C3: variants seen among roughly 807,000 people sequenced by gnomAD.
The protein encoded by C3 is complement C3.
In C3, 97 loss-of-function variants were observed where a neutral mutation model predicts 207.9. That is an observed-to-expected ratio of 0.47 (90% CI 0.40 to 0.55). C3 has a LOEUF of 0.55. Ranked by LOEUF, C3 falls within the 20% of genes least tolerant of loss-of-function variation. C3 has a pLI of 0.00. For missense variants in C3, 1,684 were observed against 2,171.7 expected (o/e 0.78, Z 4.46); for synonymous variants, 848 against 857.6 (o/e 0.99, Z 0.20).
At position 6,714,228 on chromosome 19, in the gene C3, C is replaced by T. The variant is rs201681678; in HGVS notation, c.620G>A (p.Arg207Gln). The T allele has an allele frequency of 2.0e-5, 33 of 1,613,866 alleles. No homozygotes were observed. The highest frequency in any genetic ancestry group is 1.6e-4 in the East Asian group (7 of 44,826). Residue 207 changes from arginine to glutamine, a missense_variant, in exon 6 of 41, where the codon CGA becomes CAA. Physicochemically the swap from Arg to Gln is conservative, Grantham distance 43 (BLOSUM62 1). Transcript: ENST00000245907. ...CTGTGGTGAGTTTTCATAGTAGGCT[C>T]GGATCTTCCACTGGCCCATGCTGTG... ...ELVNMGQWKIRAYYENSPQQV... is the reference protein window; with the variant it reads ...ELVNMGQWKIQAYYENSPQQV...
Position 6,712,637 on chromosome 19 carries a change from C to G in C3, c.1004-14G>C. 6.2e-7 allele frequency: 1 copy of G among 1,609,962 alleles called. No individual in the cohort carries two copies. The highest frequency in any genetic ancestry group is 8.5e-7 in the Non-Finnish European group (1 of 1,176,246). ...CCATGTCACTGCCTGAGGGGACCAGCTGTGAGTGTAGGCTTCTGGGCCACC... is the reference window on the plus strand; with the variant it reads ...CCATGTCACTGCCTGAGGGGACCAGGTGTGAGTGTAGGCTTCTGGGCCACC... On this transcript the variant is annotated splice_polypyrimidine_tract_variant and intron_variant, in intron 9 of 40. Transcript: ENST00000245907.
At chr19:6,709,961 G>A (rs1967868352) in intron 13 of C3, 119 bp from the exon 14 acceptor site, 2 of 815,208 alleles carry the variant, frequency 2.5e-6, no homozygotes, top group Non-Finnish European at 2.0e-6. Flanking sequence ...CGTGGGGCTG[G>A]GGAGGGGGAG....
At chr19:6,711,336 T>A in intron 11 of C3, 140 bp from the exon 12 acceptor site, 4 of 716,488 alleles carry the variant, frequency 5.6e-6, no homozygotes, top group Non-Finnish European at 1.0e-5. Flanking sequence ...GGAGATGGAA[T>A]CATTATCCTG....
rs1191707778 is a variant in C3, at chr19:6,713,235, C to G, written c.957G>C (p.Leu319=). The change falls in exon 9 of 41, where the codon CTG becomes CTC. Residue 319 remains leucine (L), a synonymous_variant. Transcript: ENST00000245907. ...CAGACACGTACAAAGACTTCCCCAC[C>G]AGGTCTTCTGCTCGGGGGTTCTGCA... ...DGVQNPRAED[L]VGKSLYVSAT... is the part of the protein sequence containing the mutation. 6.2e-7 allele frequency: 1 copy of G among 1,613,754 alleles called. No individual in the cohort carries two copies. The highest frequency in any genetic ancestry group is 2.2e-5 in the East Asian group (1 of 44,884).
At chr19:6,685,540 C>A (rs1016537970) in intron 29 of C3, among the ~76,000 whole-genome samples, 1 of 152,120 alleles carries the variant, frequency 6.6e-6, no homozygotes, top group Non-Finnish European at 1.5e-5. Flanking sequence ...CCAGAGGATA[C>A]TGAGCATATA....
At chr19:6,715,227 C>T (rs1968006938) in intron 4 of C3, among the ~76,000 whole-genome samples, 1 of 152,178 alleles carries the variant, frequency 6.6e-6, no homozygotes, top group Admixed American at 6.5e-5. Context: ...GTAATCCCAG[C>T]ACTTTGAGAG....
intron 16 of C3, 91 bp from the exon 17 acceptor site, chr19:6,707,364 G>T: frequency 6.3e-7 from 1 of 1,591,884 alleles, no homozygotes; most frequent in Admixed American, 1.7e-5. Flanking sequence ...GGACTTCCCC[G>T]CCGCCAGGGC....
chr19:6,700,525 AATATGATATATT>A (rs1967637557), intron 19 of C3, among the ~76,000 whole-genome samples: 2 of 27,930 alleles, frequency 7.2e-5, no homozygotes, highest in African/African-American at 2.9e-4. Context: ...TAATATATGT[AATATGATATATT>A]ATATATGTAA....
chr19:6,689,320 T>TCTACCTACCTACCTAC (rs1555684195), intron 27 of C3, among the ~76,000 whole-genome samples: 9 of 72,344 alleles, frequency 1.2e-4, no homozygotes, highest in Non-Finnish European at 1.9e-4. Flanking sequence ...TCTCTCTCTC[T>TCTACCTACCTACCTAC]CTACCTACCT....
intron 19 of C3, among the ~76,000 whole-genome samples, chr19:6,699,723 G>A (rs1967605838): frequency 6.6e-6 from 1 of 151,806 alleles, no homozygotes; most frequent in South Asian, 2.1e-4. Flanking sequence ...GGATTTTGAA[G>A]ACTTAGTGCA....
intron 7 of C3, 35 bp from the exon 8 acceptor site, chr19:6,713,544 C>A: frequency 1.3e-6 from 2 of 1,509,006 alleles, no homozygotes; most frequent in Middle Eastern, 1.7e-4. Context: ...CAGGTCCATC[C>A]CTCCTGGAGA....
chr19:6,686,800 G>A lies in C3; in HGVS notation c.3592C>T (p.Gln1198Ter). The A allele has an allele frequency of 6.2e-7, 1 of 1,614,176 alleles. No homozygotes were observed. Among genetic ancestry groups the A allele is most frequent in the African/African-American group, 1.3e-5 (1 of 75,050 alleles). The change falls in exon 28 of 41, where the codon CAG (glutamine) becomes TAG (stop). Residue 1198 changes from glutamine to a stop codon, truncating the protein, a stop_gained. Coordinates refer to ENST00000245907, the MANE Select transcript of C3 (RefSeq NM_000064.4). LOFTEE classifies it high-confidence loss of function. Reference sequence around the variant, plus strand: ...AGAGGCCCCTTCAGCCTGCCCATCTGGGCCAGAGCATAGCCAGCAATGGCC... The same window carrying A: ...AGAGGCCCCTTCAGCCTGCCCATCTAGGCCAGAGCATAGCCAGCAATGGCC... ...TVAIAGYALA[Q>*]MGRLKGPLLN...
At chr19:6,684,325 G>A in intron 33 of C3, 63 bp downstream of exon 33, 1 of 1,245,804 alleles carries the variant, frequency 8.0e-7, no homozygotes, top group Admixed American at 1.7e-5. Flanking sequence ...GATATTATTT[G>A]CAAGAATTCT....
At chr19:6,702,043 T>G in intron 19 of C3, 84 bp downstream of exon 19, 1 of 795,312 alleles carries the variant, frequency 1.3e-6, no homozygotes, top group Non-Finnish European at 2.2e-6. Context: ...AAACATAGGG[T>G]TGATTGAGTT....
intron 29 of C3, among the ~76,000 whole-genome samples, chr19:6,685,688 T>C (rs1917986301): frequency 6.6e-6 from 1 of 152,114 alleles, no homozygotes; most frequent in Non-Finnish European, 1.5e-5. Flanking sequence ...GTTTGCGTAA[T>C]GCCCCAGGGT....
intron 33 of C3, 61 bp downstream of exon 33, chr19:6,684,327 A>G: frequency 1.5e-6 from 2 of 1,292,020 alleles, no homozygotes; most frequent in South Asian, 2.4e-5. Context: ...TATTATTTGC[A>G]AGAATTCTTG....
chr19:6,714,460 G>A lies in C3; in HGVS notation c.505-14C>T. ...GCCTTCCGGGTTCTGTGGGAGGCAGGAGGGAAGGATAGAGGATAAAGTGGC... is the reference window on the plus strand; with the variant it reads ...GCCTTCCGGGTTCTGTGGGAGGCAGAAGGGAAGGATAGAGGATAAAGTGGC... On this transcript the variant is annotated splice_polypyrimidine_tract_variant and intron_variant, in intron 4 of 40. Transcript: ENST00000245907. 1 of 1,598,496 alleles carries A rather than the reference G, an allele frequency of 6.3e-7. No homozygotes were observed. The highest frequency in any genetic ancestry group is 1.3e-5 in the African/African-American group (1 of 74,758).
Position 6,718,179 on chromosome 19 carries a change from A to C in C3, c.434-15T>G. 1 of 1,614,146 alleles carries C rather than the reference A, an allele frequency of 6.2e-7. No individual in the cohort carries two copies. The highest frequency in any genetic ancestry group is 1.1e-5 in the South Asian group (1 of 91,090). ...CCGATAGAGAACTGGGGAGAGACAAAGAGGCCTCGTGAGACCCTAGCCCGC... is the reference window on the plus strand; with the variant it reads ...CCGATAGAGAACTGGGGAGAGACAACGAGGCCTCGTGAGACCCTAGCCCGC... On this transcript the variant is annotated splice_polypyrimidine_tract_variant and intron_variant, in intron 3 of 40. Transcript: ENST00000245907.
chr19:6,710,200 GAGA>G (rs1227714794), intron 13 of C3, among the ~76,000 whole-genome samples: 1 of 107,130 alleles, frequency 9.3e-6, no homozygotes, highest in Non-Finnish European at 2.0e-5. Context: ...GAGGGAAAGA[GAGA>G]AGGAGAGAAA....
Sources: allele counts gnomAD v4.1 joint callset (sites outside exome capture counted in the v4.1 genomes callset), GRCh38; gene constraint gnomAD v4.1.1; transcripts MANE v1.5; gene names NCBI Gene and HGNC (gene_info 2026-07-23, HGNC 2026-07-21).